ROR1: variants seen among roughly 807,000 people sequenced by gnomAD.
ROR1 encodes ROR family WNT receptor 1.
In ROR1, 19 loss-of-function variants were observed where a neutral mutation model predicts 78.8. The observed-to-expected ratio is 0.24, with a 90% CI of 0.17 to 0.35. The LOEUF is 0.35. ROR1 is among the 10% of genes least tolerant of loss of function. ROR1 has a pLI of 1.00. For synonymous variants in ROR1, 386 were observed against 433.6 expected (o/e 0.89, Z 1.36); for missense variants, 917 against 1,177.8 (o/e 0.78, Z 3.24).
chr1:64,052,873 A>T (rs1369168209), intron 4 of ROR1, among the ~76,000 whole-genome samples: 1 of 151,540 alleles, frequency 6.6e-6, no homozygotes, highest in Non-Finnish European at 1.5e-5. Flanking sequence ...CCAGTGATGC[A>T]TCCTGCTCTT....
At chr1:63,837,187 A>G (rs1388738248) in intron 1 of ROR1, among the ~76,000 whole-genome samples, 1 of 152,184 alleles carries the variant, frequency 6.6e-6, no homozygotes, top group Non-Finnish European at 1.5e-5. Flanking sequence ...ATTTGTTTTC[A>G]TTTTATTACT....
chr1:63,875,261 G>A lies in ROR1; in HGVS notation c.91+100753G>A, dbSNP rs577406643. ...CTGAGTGCCTACAACAATGCCTGGA[G>A]TGAAATAAGCACTCTGTGTTAGCTT... On this transcript the variant is annotated intron_variant, in intron 1 of 8. Coordinates refer to ENST00000371079, the MANE Select transcript of ROR1 (RefSeq NM_005012.4). Among the ~76,000 whole-genome samples the A allele has an allele frequency of 2.0e-5, 3 of 152,252 alleles. No homozygotes were observed. In the South Asian group the frequency reaches 6.2e-4, roughly 32 times the overall value.
At chr1:63,829,816 T>G (rs988318061) in intron 1 of ROR1, among the ~76,000 whole-genome samples, 1 of 152,094 alleles carries the variant, frequency 6.6e-6, no homozygotes, top group Non-Finnish European at 1.5e-5. Flanking sequence ...AGGAGTGACT[T>G]GGTCTGACTT....
At chr1:63,922,360 GGTAA>G (rs1309637950) in intron 1 of ROR1, among the ~76,000 whole-genome samples, 5 of 152,162 alleles carry the variant, frequency 3.3e-5, no homozygotes, top group African/African-American at 1.2e-4. Flanking sequence ...CTTTGTAAAA[GGTAA>G]GTCTTTTCAA....
Position 64,177,979 on chromosome 1 carries a change from C to T in ROR1, c.1938C>T (p.Tyr646=). The change falls in exon 9 of 9, where the codon TAC becomes TAT. Residue 646 remains tyrosine, a synonymous_variant. Coordinates refer to ENST00000371079, the MANE Select transcript of ROR1 (RefSeq NM_005012.4). ...GAGAAATTTACTCCGCTGATTACTA[C>T]AGGGTCCAGAGTAAGTCCTTGCTGC... The part of the protein sequence containing the change: ...LSREIYSADY[Y]RVQSKSLLPI... 1 of 1,614,226 alleles carries T rather than the reference C, an allele frequency of 6.2e-7. No homozygotes were observed.
chr1:63,792,911 C>T (rs1644735893), intron 1 of ROR1, among the ~76,000 whole-genome samples: 1 of 152,164 alleles, frequency 6.6e-6, no homozygotes, highest in African/African-American at 2.4e-5. Flanking sequence ...AAGTTGGTGC[C>T]GAGGATTCTC....
At chr1:63,862,888 G>T (rs921643359) in intron 1 of ROR1, among the ~76,000 whole-genome samples, 5 of 152,150 alleles carry the variant, frequency 3.3e-5, no homozygotes, top group African/African-American at 1.2e-4. Context: ...TAATATTGGA[G>T]TATAGTATAA....
At chr1:63,967,979 T>TA (rs1646089070) in intron 1 of ROR1, among the ~76,000 whole-genome samples, 1 of 152,232 alleles carries the variant, frequency 6.6e-6, no homozygotes, top group South Asian at 2.1e-4. Flanking sequence ...TTACAATAGA[T>TA]ACACAAATTC....
At chr1:64,116,121 T>G (rs912778352) in intron 4 of ROR1, among the ~76,000 whole-genome samples, 1 of 152,176 alleles carries the variant, frequency 6.6e-6, no homozygotes, top group Non-Finnish European at 1.5e-5. Flanking sequence ...TCGTGAACTC[T>G]TGGTCACTAA....
intron 1 of ROR1, among the ~76,000 whole-genome samples, chr1:63,934,767 C>G (rs538250691): frequency 6.6e-6 from 1 of 152,230 alleles, no homozygotes; most frequent in African/African-American, 2.4e-5. Flanking sequence ...CAGCTTACGT[C>G]TAATGTCTGG....
Position 64,159,168 on chromosome 1 carries a change from A to G in ROR1, c.1362A>G (p.Ser454=). The change falls in exon 8 of 9, where the codon TCA becomes TCG. Residue 454 remains serine (S), a synonymous_variant. Coordinates refer to ENST00000371079, the MANE Select transcript of ROR1 (RefSeq NM_005012.4). Reference sequence around the variant, plus strand: ...TCAGAGGTCAAAATGTAGAGATGTCAATGCTGAATGCATATAAACCCAAGG... The same window carrying G: ...TCAGAGGTCAAAATGTAGAGATGTCGATGCTGAATGCATATAAACCCAAGG... ...KHVRGQNVEM[S]MLNAYKPKSK... 6.2e-7 allele frequency: 1 copy of G among 1,613,952 alleles called. No homozygotes were observed. The highest frequency in any genetic ancestry group is 1.3e-5 in the African/African-American group (1 of 75,040).
chr1:63,902,088 G>A (rs1645489756), intron 1 of ROR1, among the ~76,000 whole-genome samples: 1 of 152,134 alleles, frequency 6.6e-6, no homozygotes, highest in African/African-American at 2.4e-5. Flanking sequence ...TCGATGGTTG[G>A]ACTTCAAGGC....
intron 1 of ROR1, among the ~76,000 whole-genome samples, chr1:63,985,618 T>G (rs935712478): frequency 2.6e-5 from 4 of 151,872 alleles, no homozygotes; most frequent in African/African-American, 9.7e-5. Context: ...GGTTCACACA[T>G]GTATGTAATC....
chr1:63,774,344 G>C lies in ROR1; in HGVS notation c.-74G>C. On this transcript the variant is annotated 5_prime_UTR_variant, in exon 1 of 9. Coordinates refer to ENST00000371079, the MANE Select transcript of ROR1 (RefSeq NM_005012.4). This position sits in a 1 kb window ranked among gnomAD's most constrained non-coding sequence, Gnocchi z 5.7. ...AGCGGCCGGGACGAGGCGGCCGGGA[G>C]CCCGGGAAGAGCCCGTGGATGTTCT... 2.0e-6 allele frequency: 2 copies of C among 1,007,682 alleles called. No individual in the cohort carries two copies. Among genetic ancestry groups the C allele is most frequent in the Non-Finnish European group, 1.3e-6 (1 of 751,912 alleles). 62.4% of individuals were successfully genotyped at this position (1,007,682 alleles called of 1,614,324 possible).
At chr1:63,940,656 CTAG>C (rs1645831435) in intron 1 of ROR1, among the ~76,000 whole-genome samples, 1 of 152,070 alleles carries the variant, frequency 6.6e-6, no homozygotes, top group African/African-American at 2.4e-5. Context: ...TTTTGCAACC[CTAG>C]AATTGTTGGG....
intron 1 of ROR1, among the ~76,000 whole-genome samples, chr1:63,973,493 G>A (rs2100499872): frequency 6.6e-6 from 1 of 152,236 alleles, no homozygotes; most frequent in Middle Eastern, 3.4e-3. Flanking sequence ...CAATCTGTTT[G>A]GAATTTTCTC....
At chr1:64,016,747 A>ATATATATATG (rs1557610643) in intron 2 of ROR1, among the ~76,000 whole-genome samples, 2 of 149,188 alleles carry the variant, frequency 1.3e-5, no homozygotes, top group African/African-American at 4.9e-5. Context: ...ATATATATAT[A>ATATATATATG]TAAAGATTTT....
At chr1:64,143,189 G>A (rs913306011) in intron 7 of ROR1, 2 of 989,566 alleles carry the variant, frequency 2.0e-6, no homozygotes, top group Non-Finnish European at 2.4e-6. Context: ...TCCTGAGTCA[G>A]TTAACTGTTC....
chr1:63,973,229 C>T (rs919849244), intron 1 of ROR1, among the ~76,000 whole-genome samples: 1 of 152,158 alleles, frequency 6.6e-6, no homozygotes, highest in Non-Finnish European at 1.5e-5. Context: ...TGGATCTCAC[C>T]CTCTAATTTA....
Sources: allele counts gnomAD v4.1 joint callset (sites outside exome capture counted in the v4.1 genomes callset), GRCh38; gene constraint gnomAD v4.1.1; non-coding constraint Gnocchi (gnomAD v3.1); transcripts MANE v1.5; gene names NCBI Gene and HGNC (gene_info 2026-07-23, HGNC 2026-07-21).